Variants in ZPBP observed in about 807,000 individuals in gnomAD.
The protein encoded by ZPBP is zona pellucida binding protein.
In ZPBP, 26 loss-of-function variants were observed where a neutral mutation model predicts 44.8. The observed-to-expected ratio is 0.58, with a 90% CI of 0.43 to 0.81. The LOEUF (loss-of-function observed/expected upper bound fraction) is 0.81. ZPBP is among the 30% of genes least tolerant of loss of function. ZPBP has a pLI of 0.00. For synonymous variants in ZPBP, 174 were observed against 153.2 expected, an observed-to-expected ratio of 1.14 and a Z score of -1.00; for missense variants, 409 against 434.0, an observed-to-expected ratio of 0.94 and a Z score of 0.51.
intron 2 of ZPBP, among the ~76,000 whole-genome samples, chr7:49,867,567 A>C (rs1477501243): frequency 1.3e-5 from 2 of 152,356 alleles, no homozygotes; most frequent in East Asian, 3.9e-4. Flanking sequence ...AGGTAACTAA[A>C]GGCTACACAG....
intron 4 of ZPBP, 102 bp downstream of exon 4, chr7:50,057,887 G>A: frequency 1.8e-6 from 2 of 1,105,606 alleles, no homozygotes; most frequent in South Asian, 1.5e-5. Flanking sequence ...AATTAAATGA[G>A]ACTAAAAATA....
intron 2 of ZPBP, among the ~76,000 whole-genome samples, chr7:50,086,035 C>T (rs2128855370): frequency 6.6e-6 from 1 of 152,222 alleles, no homozygotes; most frequent in East Asian, 1.9e-4. Context: ...CAAAGACACC[C>T]TCAGCAAAGA....
At chr7:50,033,486 T>C (rs191990378) in intron 4 of ZPBP, among the ~76,000 whole-genome samples, 99 of 152,232 alleles carry the variant, frequency 6.5e-4, no homozygotes, top group Middle Eastern at 3.4e-3. Context: ...CTGAGAGGCA[T>C]AGCATACTCT....
At chr7:49,980,255 TA>T (rs1796772519) in intron 7 of ZPBP, among the ~76,000 whole-genome samples, 2 of 120,576 alleles carry the variant, frequency 1.7e-5, no homozygotes, top group African/African-American at 6.2e-5. Context: ...AAATATATAA[TA>T]CATATAATAT....
intron 4 of ZPBP, among the ~76,000 whole-genome samples, chr7:50,040,922 T>A (rs896729811): frequency 2.0e-5 from 3 of 152,168 alleles, no homozygotes; most frequent in African/African-American, 7.2e-5. Context: ...AAATTCTCGC[T>A]GCCAGCACAG....
At chr7:49,990,331 G>T (rs1158525658) in intron 6 of ZPBP, among the ~76,000 whole-genome samples, 5 of 152,178 alleles carry the variant, frequency 3.3e-5, no homozygotes, top group African/African-American at 1.2e-4. Flanking sequence ...CCATTAATAT[G>T]GGTGAAAGCC....
At chr7:49,987,933 A>T (rs1797387595) in intron 6 of ZPBP, among the ~76,000 whole-genome samples, 1 of 152,186 alleles carries the variant, frequency 6.6e-6, no homozygotes, top group Non-Finnish European at 1.5e-5. Flanking sequence ...TAAAATGCAG[A>T]TGTTGTCAAA....
chr7:49,894,345 G>A (rs1202631681), intron 2 of ZPBP, among the ~76,000 whole-genome samples: 8 of 152,160 alleles, frequency 5.3e-5, no homozygotes, highest in Middle Eastern at 3.4e-3. Context: ...TTGTAGAGAC[G>A]GGGTTTTGAA....
intron 2 of ZPBP, among the ~76,000 whole-genome samples, chr7:49,879,357 G>A (rs1006880364): frequency 6.6e-6 from 1 of 151,994 alleles, no homozygotes; most frequent in African/African-American, 2.4e-5. Context: ...ATTATTTGCT[G>A]GATATTCTTT....
intron 3 of ZPBP, among the ~76,000 whole-genome samples, chr7:50,071,204 G>A (rs566509590): frequency 1.3e-5 from 2 of 152,282 alleles, no homozygotes; most frequent in African/African-American, 4.8e-5. Context: ...GATACTGGGG[G>A]AGGGAGAACA....
chr7:50,049,149 G>A (rs1307153084), intron 4 of ZPBP, among the ~76,000 whole-genome samples: 2 of 151,990 alleles, frequency 1.3e-5, no homozygotes. Flanking sequence ...GATTAGACCT[G>A]TAATAAAAAG....
At position 49,885,353 on chromosome 7, in the gene ZPBP, T is replaced by C. The variant is rs552124591; in HGVS notation, n.509+15765A>G. Among the ~76,000 whole-genome samples the C allele has an allele frequency of 1.4e-4, 21 of 152,160 alleles. No individual in the cohort carries two copies. In the East Asian group the frequency reaches 3.9e-3, roughly 28 times the overall value. ...AAACCACAACCTAATTTTTAAAAAA[T>C]ATCTCTGAAAGTAAAACTATATAAA... On this transcript the variant is annotated intron_variant and non_coding_transcript_variant, in intron 2 of 2. Coordinates refer to the ZPBP transcript ENST00000465922.
At chr7:49,883,974 A>G (rs532004850) in intron 2 of ZPBP, among the ~76,000 whole-genome samples, 1 of 152,370 alleles carries the variant, frequency 6.6e-6, no homozygotes, top group East Asian at 1.9e-4. Context: ...TGGTGGAGAA[A>G]GCATTTCTTC....
intron 2 of ZPBP, among the ~76,000 whole-genome samples, chr7:49,888,889 GGACAAGAGCGA>G (rs1187318358): frequency 1.3e-5 from 2 of 151,936 alleles, no homozygotes; most frequent in Non-Finnish European, 2.9e-5. Context: ...CTAGCCTGGG[GGACAAGAGCGA>G]GACTTCATCT....
intron 2 of ZPBP, among the ~76,000 whole-genome samples, chr7:49,869,770 A>C (rs1791059327): frequency 6.6e-6 from 1 of 152,160 alleles, no homozygotes; most frequent in African/African-American, 2.4e-5. Context: ...CATCCAAGAG[A>C]ATTGGATGTG....
chr7:49,980,055 T>A (rs1381430658), intron 7 of ZPBP, among the ~76,000 whole-genome samples: 1 of 84,810 alleles, frequency 1.2e-5, no homozygotes, highest in Non-Finnish European at 2.1e-5. Flanking sequence ...TATAATATAA[T>A]TTTATATTAT....
At chr7:49,925,200 T>G (rs1286960759) in intron 1 of ZPBP, among the ~76,000 whole-genome samples, 2 of 152,196 alleles carry the variant, frequency 1.3e-5, no homozygotes, top group African/African-American at 4.8e-5. Context: ...GGCATCAGCC[T>G]TCCTATTAGC....
At chr7:49,846,258 G>A (rs487993), downstream of ZPBP, among the ~76,000 whole-genome samples, 724 of 152,036 alleles carry the variant, frequency 4.8e-3, 4 homozygotes, top group African/African-American at 0.017. Context: ...CCTGCATGTC[G>A]CCACTTCCTC....
intron 3 of ZPBP, among the ~76,000 whole-genome samples, chr7:50,080,909 G>A (rs1364140867): frequency 6.6e-6 from 1 of 151,642 alleles, no homozygotes; most frequent in Non-Finnish European, 1.5e-5. Flanking sequence ...CTTCCACCAA[G>A]TAGTCATTCA....
Sources: gnomAD v4.1 joint callset for allele counts (sites outside exome capture counted in the v4.1 genomes callset) on GRCh38, gnomAD v4.1.1 for gene constraint, MANE v1.5 for transcripts, NCBI Gene and HGNC (gene_info 2026-07-23, HGNC 2026-07-21) for gene names.